Variants in MED6 observed in about 807,000 individuals in gnomAD.
MED6 encodes mediator of RNA polymerase II transcription subunit 6.
Under a neutral mutation model 37.5 loss-of-function variants are expected in MED6, and 33 were observed. That is an observed-to-expected ratio of 0.88 (90% confidence interval 0.67 to 1.18). The LOEUF is 1.18. MED6 is among the 50% of genes most tolerant of loss of function. The pLI, the probability that MED6 is intolerant of heterozygous loss-of-function variation, is 0.00. For synonymous variants in MED6, 94 were observed against 93.6 expected (o/e 1.00, Z -0.02); for missense variants, 235 against 290.6 (o/e 0.81, Z 1.39).
In MED6 at chr14:70,596,205, A is replaced by C. The variant is rs149905452; in HGVS notation, c.274+406T>G. ...GTGGGCAGAGGATGTCCAAGCAACC[A>C]ACCCTCTATAAAAATCCCTGGCTCA... On this transcript the variant is annotated intron_variant, in intron 3 of 7. Transcript: ENST00000256379. 2.2e-3 allele frequency: 401 copies of C among 181,196 alleles called. 1 individual carries two copies. The highest frequency in any genetic ancestry group is 9.1e-3 in the African/African-American group (384 of 42,388). 11.2% of individuals were successfully genotyped at this position (181,196 alleles called of 1,614,324 possible).
At chr14:70,588,521 T>G (rs529778155) in intron 6 of MED6, among the ~76,000 whole-genome samples, 2 of 151,686 alleles carry the variant, frequency 1.3e-5, no homozygotes, top group Admixed American at 1.3e-4. Context: ...CCATCTCTAC[T>G]AAAAAATACA....
At chr14:70,597,036 G>C (rs149055932) in intron 2 of MED6, among the ~76,000 whole-genome samples, 1 of 152,048 alleles carries the variant, frequency 6.6e-6, no homozygotes. Flanking sequence ...CCAAATCTAC[G>C]AATACATACA....
At chr14:70,593,179 A>C (rs1043807893) in intron 4 of MED6, 117 bp downstream of exon 4, 15 of 1,205,136 alleles carry the variant, frequency 1.2e-5, no homozygotes, top group Non-Finnish European at 1.7e-5. Context: ...AAGACATTCT[A>C]ATAGTCAATA....
At chr14:70,595,921 G>A (rs1380499238) in intron 3 of MED6, among the ~76,000 whole-genome samples, 2 of 152,160 alleles carry the variant, frequency 1.3e-5, no homozygotes, top group South Asian at 2.1e-4. Flanking sequence ...GATGCTTGAC[G>A]TTCAGTCGGT....
chr14:70,597,868 A>C, intron 1 of MED6, 91 bp from the exon 2 acceptor site: 1 of 1,028,522 alleles, frequency 9.7e-7, no homozygotes, highest in Non-Finnish European at 1.3e-6. Flanking sequence ...TGTAGTAGGC[A>C]CTATGAATAT....
chr14:70,593,137 A>C (rs1051135787), intron 4 of MED6, 149 bp from the exon 5 acceptor site: 2 of 1,293,266 alleles, frequency 1.5e-6, no homozygotes, highest in Non-Finnish European at 2.1e-6. Context: ...ATATACTTTG[A>C]GCACCGACTT....
intron 7 of MED6, 74 bp downstream of exon 7, chr14:70,585,682 T>C (rs932623981): frequency 7.7e-7 from 1 of 1,305,160 alleles, no homozygotes; most frequent in Non-Finnish European, 1.0e-6. Context: ...TCATTTCACA[T>C]GCTATACTTG....
chr14:70,591,166 T>A, intron 6 of MED6, 100 bp downstream of exon 6: 1 of 903,926 alleles, frequency 1.1e-6, no homozygotes, highest in Non-Finnish European at 1.7e-6. Flanking sequence ...TGAGGAAAAT[T>A]GTACTTTTAG....
chr14:70,593,462 G>A, intron 3 of MED6, 84 bp from the exon 4 acceptor site: 1 of 1,105,716 alleles, frequency 9.0e-7, no homozygotes, highest in Non-Finnish European at 1.3e-6. Flanking sequence ...AATAAAATCT[G>A]ACATTTTCCC....
intron 1 of MED6, among the ~76,000 whole-genome samples, chr14:70,599,324 T>C (rs2139606439): frequency 6.6e-6 from 1 of 152,368 alleles, no homozygotes; most frequent in South Asian, 2.1e-4. Context: ...ATAGACCATT[T>C]AGATAGTTCA....
At position 70,596,369 on chromosome 14, in the gene MED6, C is replaced by T. The variant is rs1048978255; in HGVS notation, c.274+242G>A. 12 of 378,850 alleles carry T rather than the reference C, an allele frequency of 3.2e-5. No homozygotes were observed. In the Admixed American group the frequency reaches 4.7e-4, roughly 15 times the overall value. 23.5% of individuals were successfully genotyped at this position (378,850 alleles called of 1,614,324 possible). ...TGCACATGGATTCCTACAGACCCCA[C>T]CTGACATGTCTTTTTCCAGTACTAA... On this transcript the variant is annotated intron_variant, in intron 3 of 7. Transcript: ENST00000256379.
chr14:70,596,790 C>A, intron 2 of MED6, 88 bp from the exon 3 acceptor site: 1 of 953,276 alleles, frequency 1.0e-6, no homozygotes, highest in Non-Finnish European at 1.6e-6. Flanking sequence ...AAAAATGCAG[C>A]AACACTTTAA....
At position 70,583,236 on chromosome 14, in the gene MED6, T is replaced by G. The variant is rs1347216669; in HGVS notation, c.*1577A>C. The stretch of plus-strand genomic sequence containing the variant: ...TTCTTTGTACTATTCTTACAACTTT[T>G]CTGTTTGCCGGAAATTATGTCAAAA... On this transcript the variant is annotated 3_prime_UTR_variant, in exon 8 of 8. Coordinates refer to ENST00000256379, the MANE Select transcript of MED6 (RefSeq NM_005466.4). 1 of 152,244 alleles carries G rather than the reference T, an allele frequency of 6.6e-6. No homozygotes were observed. Among genetic ancestry groups the G allele is most frequent in the African/African-American group, 2.4e-5 (1 of 41,464 alleles). The allele number at this position is 152,244 out of a possible 1,614,324, so 9.4% of individuals were successfully genotyped here.
At chr14:70,595,801 C>A (rs1034647662) in intron 3 of MED6, 3 of 697,760 alleles carry the variant, frequency 4.3e-6, no homozygotes, top group Non-Finnish European at 5.2e-6. Flanking sequence ...TGTCTGAGAC[C>A]AACAACATCA....
intron 6 of MED6, among the ~76,000 whole-genome samples, chr14:70,587,267 T>C (rs1197382920): frequency 1.3e-5 from 2 of 152,200 alleles, no homozygotes; most frequent in African/African-American, 4.8e-5. Context: ...TCCTTTTCCC[T>C]TATGATCTGG....
chr14:70,593,458 A>G lies in MED6; in HGVS notation c.275-80T>C, dbSNP rs1025897437. 6 of 1,144,832 alleles carry G rather than the reference A, an allele frequency of 5.2e-6. No homozygotes were observed. The African/African-American group carries it at 6.2e-5, about 12-fold the overall frequency. 70.9% of individuals were successfully genotyped at this position (1,144,832 alleles called of 1,614,324 possible). ...ACAGATTCTCATAAAAAGAAATAAA[A>G]TCTGACATTTTCCCATAAGGCAGGG... On this transcript the variant is annotated intron_variant, in intron 3 of 7. Transcript: ENST00000256379.
chr14:70,591,447 T>C, intron 5 of MED6, 66 bp from the exon 6 acceptor site: 1 of 1,271,650 alleles, frequency 7.9e-7, no homozygotes, highest in Non-Finnish European at 1.1e-6. Flanking sequence ...ATTTTACAAA[T>C]CTTTATCCAC....
rs1332012526 is a variant in MED6 at position 70,584,424 on chromosome 14, G to A, written c.*389C>T. 5.7e-6 allele frequency: 2 copies of A among 352,188 alleles called. No homozygotes were observed. Among genetic ancestry groups the A allele is most frequent in the Non-Finnish European group, 1.0e-5 (2 of 195,232 alleles). 21.8% of individuals were successfully genotyped at this position (352,188 alleles called of 1,614,324 possible). On this transcript the variant is annotated 3_prime_UTR_variant, in exon 8 of 8. Coordinates refer to ENST00000256379, the MANE Select transcript of MED6 (RefSeq NM_005466.4). ...AAGTCTCGCTCTGTCGCCCAAGCTG[G>A]AGTGCAACAGCATGATAATCAGCTC... is the stretch of plus-strand genomic sequence containing the variant.
chr14:70,585,909 A>C (rs1884694066), intron 6 of MED6, 126 bp from the exon 7 acceptor site: 1 of 679,298 alleles, frequency 1.5e-6, no homozygotes, highest in Non-Finnish European at 2.4e-6. Context: ...ATTACATTTC[A>C]AATGACTTTG....
Sources: gnomAD v4.1 joint callset for allele counts (sites outside exome capture counted in the v4.1 genomes callset) on GRCh38, gnomAD v4.1.1 for gene constraint, MANE v1.5 for transcripts, NCBI Gene and HGNC (gene_info 2026-07-23, HGNC 2026-07-21) for gene names.